Variants in PLEK observed in about 807,000 individuals in gnomAD.
PLEK encodes platelet 47 kDa protein.
PLEK carries 25 observed loss-of-function variants against 43.9 expected under a neutral mutation model. The ratio of observed to expected loss-of-function variants is 0.57; its 90% CI spans 0.41 to 0.79. The LOEUF (loss-of-function observed/expected upper bound fraction) is 0.79. PLEK is among the 30% of genes least tolerant of loss of function. PLEK has a pLI of 0.00. For missense variants in PLEK, 396 were observed against 413.3 expected, an observed-to-expected ratio of 0.96 and a Z score of 0.36; for synonymous variants, 152 against 144.4, an observed-to-expected ratio of 1.05 and a Z score of -0.38.
chr2:68,368,180 T>C (rs1673319956), intron 1 of PLEK, among the ~76,000 whole-genome samples: 1 of 152,182 alleles, frequency 6.6e-6, no homozygotes, highest in Non-Finnish European at 1.5e-5. Context: ...GGAGGGAAAA[T>C]ACAAGATTCT....
chr2:68,379,307 G>C (rs552043962), intron 1 of PLEK, among the ~76,000 whole-genome samples: 5 of 152,052 alleles, frequency 3.3e-5, no homozygotes, highest in African/African-American at 4.8e-5. Flanking sequence ...AGTCAGATTA[G>C]TTGGTTTGCA....
At chr2:68,372,177 A>ATTTTTTTTTTTTTTTTTTTTTT (rs57326035) in intron 1 of PLEK, among the ~76,000 whole-genome samples, 1 of 148,362 alleles carries the variant, frequency 6.7e-6, no homozygotes. Context: ...AGAGAAGTTC[A>ATTTTTTTTTTTTTTTTTTTTTT]TTTTTTTTTT....
intron 5 of PLEK, among the ~76,000 whole-genome samples, chr2:68,386,894 T>C (rs1175059647): frequency 1.3e-5 from 2 of 152,196 alleles, no homozygotes; most frequent in Non-Finnish European, 2.9e-5. Context: ...CTGCCCTCTC[T>C]ACAACACTCG....
intron 1 of PLEK, among the ~76,000 whole-genome samples, chr2:68,373,585 AT>A (rs1485581347): frequency 1.3e-4 from 14 of 104,442 alleles, no homozygotes; most frequent in Non-Finnish European, 1.9e-4. Context: ...AATAAAGAAA[AT>A]AAAAAAAAAA....
chr2:68,382,249 A>G (rs1411229002), intron 3 of PLEK, among the ~76,000 whole-genome samples: 1 of 152,190 alleles, frequency 6.6e-6, no homozygotes, highest in African/African-American at 2.4e-5. Flanking sequence ...TTTCCATCCC[A>G]GGAACCAATA....
At chr2:68,395,244 T>C (rs1673942594) in intron 8 of PLEK, among the ~76,000 whole-genome samples, 1 of 149,998 alleles carries the variant, frequency 6.7e-6, no homozygotes. Flanking sequence ...ATATTATAAA[T>C]ACAAATCTAT....
chr2:68,394,117 C>T lies in PLEK; in HGVS notation c.857C>T (p.Pro286Leu), dbSNP rs752019384. ...TCCTTTCTTCTTTAGGCAGAAGATC[C>T]CCTGGGAGCAATTCACTTGAGAGGC... is the stretch of plus-strand genomic sequence containing the variant. ...HYYDPAGAED[P>L]LGAIHLRGCV... The change falls in exon 8 of 9, where the codon CCC becomes CTC. Residue 286 changes from proline to leucine, a missense_variant. By Grantham distance (98) the Pro-to-Leu change is moderately conservative. Coordinates refer to ENST00000234313, the MANE Select transcript of PLEK (RefSeq NM_002664.3). 22 of 1,606,266 alleles carry T rather than the reference C, an allele frequency of 1.4e-5. No homozygotes were observed. In the Middle Eastern group the frequency reaches 5.0e-4, roughly 36 times the overall value.
At chr2:68,394,061 T>A in intron 7 of PLEK, 46 bp from the exon 8 acceptor site, 1 of 1,247,858 alleles carries the variant, frequency 8.0e-7, no homozygotes, top group Non-Finnish European at 1.2e-6. Flanking sequence ...GGTCTATCTA[T>A]ACTCTGCATT....
chr2:68,393,511 C>T (rs1389612091), intron 7 of PLEK, among the ~76,000 whole-genome samples: 2 of 152,076 alleles, frequency 1.3e-5, no homozygotes, highest in Non-Finnish European at 2.9e-5. Context: ...ACATATTTTT[C>T]CCCAATCTGA....
At chr2:68,370,662 T>C (rs951847661) in intron 1 of PLEK, among the ~76,000 whole-genome samples, 2 of 152,066 alleles carry the variant, frequency 1.3e-5, no homozygotes, top group African/African-American at 4.8e-5. Flanking sequence ...ATTTTTATAT[T>C]TTTAGAAGAG....
At chr2:68,369,090 A>T (rs2103756086) in intron 1 of PLEK, among the ~76,000 whole-genome samples, 1 of 152,298 alleles carries the variant, frequency 6.6e-6, no homozygotes, top group South Asian at 2.1e-4. Context: ...GTGCCTACTG[A>T]TTCATCATCA....
At chr2:68,382,369 T>C (rs1673640579) in intron 3 of PLEK, among the ~76,000 whole-genome samples, 173 bp from the exon 4 acceptor site, 1 of 152,220 alleles carries the variant, frequency 6.6e-6, no homozygotes, top group Non-Finnish European at 1.5e-5. Flanking sequence ...ATATGAATGT[T>C]GCCCCTCCAC....
At position 68,381,329 on chromosome 2, in the gene PLEK, C is replaced by A. The variant is rs560301982; in HGVS notation, c.380+425C>A. 3.3e-5 allele frequency among the ~76,000 whole-genome samples: 5 copies of A among 152,308 alleles called. No individual in the cohort carries two copies. In the South Asian group the frequency reaches 1.0e-3, roughly 32 times the overall value. On this transcript the variant is annotated intron_variant, in intron 3 of 8. Transcript: ENST00000234313. ...CTCAGGAAGGGCCAGCCAGGGTAAA[C>A]ACCCATCCTGGTGGAAGCCATTTAT...
intron 6 of PLEK, among the ~76,000 whole-genome samples, chr2:68,392,836 A>G (rs1027673406): frequency 2.0e-5 from 3 of 151,976 alleles, no homozygotes; most frequent in East Asian, 1.9e-4. Context: ...TTTAAAGATC[A>G]GGGCATCTTA....
chr2:68,383,248 G>A (rs985848025), intron 4 of PLEK, among the ~76,000 whole-genome samples: 17 of 152,320 alleles, frequency 1.1e-4, no homozygotes, highest in African/African-American at 2.6e-4. Flanking sequence ...GCCATTATGT[G>A]TGTAGAGTAG....
At chr2:68,382,394 T>C in intron 3 of PLEK, 148 bp from the exon 4 acceptor site, 1 of 588,004 alleles carries the variant, frequency 1.7e-6, no homozygotes. Flanking sequence ...TATGATCTGA[T>C]GGAGGGAGAT....
chr2:68,367,212 T>C (rs1673293282), intron 1 of PLEK, among the ~76,000 whole-genome samples: 2 of 152,076 alleles, frequency 1.3e-5, no homozygotes, highest in Admixed American at 1.3e-4. Context: ...CATTTTTCTC[T>C]GGGACCTTTT....
At chr2:68,374,117 C>A (rs545454293) in intron 1 of PLEK, among the ~76,000 whole-genome samples, 36 of 152,296 alleles carry the variant, frequency 2.4e-4, no homozygotes, top group African/African-American at 8.2e-4. Flanking sequence ...ACACACATAT[C>A]ATATTAGGTT....
At chr2:68,376,720 G>A (rs1293222133) in intron 1 of PLEK, among the ~76,000 whole-genome samples, 1 of 152,128 alleles carries the variant, frequency 6.6e-6, no homozygotes, top group Non-Finnish European at 1.5e-5. Context: ...ATAACACCAT[G>A]GAGAATGGGG....
Sources: allele counts gnomAD v4.1 joint callset (sites outside exome capture counted in the v4.1 genomes callset), GRCh38; gene constraint gnomAD v4.1.1; transcripts MANE v1.5; gene names NCBI Gene and HGNC (gene_info 2026-07-23, HGNC 2026-07-21).